The following DIS3L2 variants were observed in gnomAD, a reference collection of about 807,000 sequenced individuals.
The protein encoded by DIS3L2 is DIS3-like exonuclease 2.
In DIS3L2, 34 loss-of-function variants were observed where a neutral mutation model predicts 97.5. That is an observed-to-expected ratio of 0.35 (90% CI 0.27 to 0.46). The LOEUF is 0.46. Ranked by LOEUF, DIS3L2 falls within the 20% of genes least tolerant of loss-of-function variation. DIS3L2 has a pLI of 1.00. For missense variants in DIS3L2, 1,038 were observed against 1,146.0 expected (o/e 0.91, Z 1.36); for synonymous variants, 435 against 445.2 (o/e 0.98, Z 0.29).
downstream of DIS3L2, among the ~76,000 whole-genome samples, chr2:232,339,365 G>A (rs569487191): frequency 2.6e-5 from 4 of 152,322 alleles, no homozygotes; most frequent in Non-Finnish European, 5.9e-5. Flanking sequence ...CAGCAGCGCC[G>A]CCAGGAGGCA....
At chr2:232,076,962 G>A (rs763065085) in intron 5 of DIS3L2, among the ~76,000 whole-genome samples, 1 of 152,092 alleles carries the variant, frequency 6.6e-6, no homozygotes, top group Non-Finnish European at 1.5e-5. Flanking sequence ...CCAACACAAG[G>A]CCTGTGTTCC....
chr2:232,234,594 C>T (rs1004544735), intron 10 of DIS3L2, among the ~76,000 whole-genome samples: 4 of 152,202 alleles, frequency 2.6e-5, no homozygotes, highest in South Asian at 2.1e-4. Context: ...TCAGGTGATC[C>T]GCCAACCTCA....
At chr2:232,108,365 G>T (rs544455112) in intron 6 of DIS3L2, among the ~76,000 whole-genome samples, 1 of 152,190 alleles carries the variant, frequency 6.6e-6, no homozygotes, top group East Asian at 1.9e-4. Flanking sequence ...TTATTGAAGG[G>T]GAACATACCT....
At chr2:232,192,550 A>G (rs1310278613) in intron 9 of DIS3L2, among the ~76,000 whole-genome samples, 1 of 152,214 alleles carries the variant, frequency 6.6e-6, no homozygotes. Context: ...ACTTGATAGC[A>G]TTGTACTTTA....
At chr2:232,029,075 T>G (rs1052988289) in intron 4 of DIS3L2, among the ~76,000 whole-genome samples, 1 of 152,160 alleles carries the variant, frequency 6.6e-6, no homozygotes, top group Admixed American at 6.5e-5. Flanking sequence ...TTCAGTCCAT[T>G]GAGTGTTATG....
chr2:232,330,397 T>C (rs1211113337), intron 15 of DIS3L2, among the ~76,000 whole-genome samples: 1 of 152,182 alleles, frequency 6.6e-6, no homozygotes, highest in Non-Finnish European at 1.5e-5. Context: ...GCTGTGGTCC[T>C]GGAGGAGGGA....
intron 13 of DIS3L2, among the ~76,000 whole-genome samples, chr2:232,285,155 G>C (rs1293353624): frequency 1.3e-5 from 2 of 152,112 alleles, no homozygotes; most frequent in Non-Finnish European, 2.9e-5. Context: ...TGGACTAGCT[G>C]ACTGACATTT....
chr2:232,327,817 T>C (rs1209624595), intron 14 of DIS3L2, among the ~76,000 whole-genome samples: 1 of 152,172 alleles, frequency 6.6e-6, no homozygotes, highest in Non-Finnish European at 1.5e-5. Context: ...AGGAGAACAG[T>C]GCCTGCGTCC....
chr2:231,963,213 C>T (rs1193841627), intron 1 of DIS3L2, among the ~76,000 whole-genome samples: 1 of 152,164 alleles, frequency 6.6e-6, no homozygotes, highest in Non-Finnish European at 1.5e-5. Context: ...TTTAAATGTT[C>T]CCTTTCCAAG....
rs1489997181 is a variant in DIS3L2, at chr2:232,039,891, A to AT, written c.366+9811_366+9812insT. Among the ~76,000 whole-genome samples the AT allele has an allele frequency of 8.5e-5, 13 of 152,338 alleles. No individual in the cohort carries two copies. The East Asian group carries it at 1.5e-3, about 18-fold the overall frequency. On this transcript the variant is annotated intron_variant, in intron 5 of 20. Coordinates refer to ENST00000325385, the MANE Select transcript of DIS3L2 (RefSeq NM_152383.5). ...ATGGTTAGGAAGCATTGATCCTGAC[A>AT]GTTCTGCCTGGAGCAGTTCAAGGTA...
At chr2:232,211,159 C>G (rs1378791918) in intron 10 of DIS3L2, among the ~76,000 whole-genome samples, 1 of 149,850 alleles carries the variant, frequency 6.7e-6, no homozygotes, top group East Asian at 2.0e-4. Flanking sequence ...CTCCCCTCCT[C>G]TTCTCAACAG....
intron 7 of DIS3L2, among the ~76,000 whole-genome samples, chr2:232,135,931 A>G (rs147425601): frequency 1.3e-5 from 2 of 152,280 alleles, no homozygotes; most frequent in South Asian, 2.1e-4. Context: ...GATGGAAATC[A>G]CATGTGTATG....
At chr2:232,110,120 T>C (rs1442474987) in intron 6 of DIS3L2, among the ~76,000 whole-genome samples, 1 of 152,122 alleles carries the variant, frequency 6.6e-6, no homozygotes, top group Non-Finnish European at 1.5e-5. Flanking sequence ...TCATTAATCA[T>C]TAGAGAAATA....
intron 14 of DIS3L2, among the ~76,000 whole-genome samples, chr2:232,320,179 T>TGG (rs890838620): frequency 3.3e-5 from 5 of 150,180 alleles, no homozygotes; most frequent in African/African-American, 1.2e-4. Flanking sequence ...CAGAATGTTC[T>TGG]GGGGGGGGTG....
chr2:231,994,815 CTTT>C (rs560154000), intron 1 of DIS3L2, among the ~76,000 whole-genome samples: 1 of 134,428 alleles, frequency 7.4e-6, no homozygotes, highest in Non-Finnish European at 1.6e-5. Flanking sequence ...CATTCTTTTT[CTTT>C]TTTTTTTTTT....
intron 6 of DIS3L2, among the ~76,000 whole-genome samples, chr2:232,094,718 C>CA (rs59253625): frequency 0.44 from 48,793 of 111,426 alleles, 13,098 homozygotes; most frequent in East Asian, 0.8. Context: ...GACTCCATCT[C>CA]AAAAAAAAAA....
At chr2:232,155,099 G>A (rs1435857542) in intron 8 of DIS3L2, among the ~76,000 whole-genome samples, 1 of 150,540 alleles carries the variant, frequency 6.6e-6, no homozygotes, top group Non-Finnish European at 1.5e-5. Flanking sequence ...TGCGCCCACT[G>A]TCTGGCACTC....
chr2:232,044,346 C>T (rs1695183308), intron 5 of DIS3L2, among the ~76,000 whole-genome samples: 1 of 152,026 alleles, frequency 6.6e-6, no homozygotes, highest in Admixed American at 6.6e-5. Context: ...AGTCACAGTG[C>T]CCATGTGGAA....
intron 9 of DIS3L2, among the ~76,000 whole-genome samples, chr2:232,196,796 AT>A (rs1211843052): frequency 6.6e-6 from 1 of 151,562 alleles, no homozygotes; most frequent in East Asian, 1.9e-4. Flanking sequence ...TGATAGTTCC[AT>A]TTTTATGGTT....
Sources: gnomAD v4.1 joint callset for allele counts (sites outside exome capture counted in the v4.1 genomes callset) on GRCh38, gnomAD v4.1.1 for gene constraint, MANE v1.5 for transcripts, NCBI Gene and HGNC (gene_info 2026-07-23, HGNC 2026-07-21) for gene names.